The following WWOX variants were observed in gnomAD, a reference collection of about 807,000 sequenced individuals.
WWOX encodes the protein WW domain containing oxidoreductase.
WWOX carries 69 observed loss-of-function variants against 46.2 expected under a neutral mutation model. The ratio of observed to expected loss-of-function variants is 1.49; its 90% confidence interval spans 1.23 to 1.82. The LOEUF is 1.82. Among genes scored for constraint, WWOX ranks in the 40% most tolerant of loss-of-function variants. The pLI, the probability that WWOX is intolerant of heterozygous loss-of-function variation, is 0.00. For missense variants in WWOX, 919 were observed against 542.6 expected, an observed-to-expected ratio of 1.69 and a Z score of -6.89; for synonymous variants, 359 against 202.6, an observed-to-expected ratio of 1.77 and a Z score of -6.56.
chr16:79,000,273 C>T (rs951612938), intron 8 of WWOX, among the ~76,000 whole-genome samples: 3 of 152,340 alleles, frequency 2.0e-5, no homozygotes, highest in South Asian at 2.1e-4. Flanking sequence ...TAGATCCCAT[C>T]TCTGGTAGAC....
chr16:79,031,105 A>AAG (rs1266133401), intron 8 of WWOX, among the ~76,000 whole-genome samples: 3 of 151,600 alleles, frequency 2.0e-5, no homozygotes, highest in Non-Finnish European at 2.9e-5. Context: ...AAAAAAAAAA[A>AAG]AAAATCCAGT....
intron 8 of WWOX, among the ~76,000 whole-genome samples, chr16:78,548,172 A>C (rs1393120343): frequency 2.6e-5 from 2 of 76,150 alleles, no homozygotes; most frequent in South Asian, 3.8e-4. Flanking sequence ...AAAAAAAAAA[A>C]AAAAAATTAC....
At chr16:79,197,252 C>G (rs1034759680) in intron 8 of WWOX, among the ~76,000 whole-genome samples, 3 of 152,180 alleles carry the variant, frequency 2.0e-5, no homozygotes, top group Admixed American at 1.3e-4. Context: ...AGGTCCTGAT[C>G]TGTTTTATCA....
At chr16:79,156,739 G>A (rs2050389480) in intron 8 of WWOX, among the ~76,000 whole-genome samples, 1 of 151,858 alleles carries the variant, frequency 6.6e-6, no homozygotes, top group Non-Finnish European at 1.5e-5. Context: ...GGGGGCCTGT[G>A]TTCAAAGTCT....
At chr16:79,120,534 C>T (rs945063910) in intron 8 of WWOX, among the ~76,000 whole-genome samples, 5 of 152,222 alleles carry the variant, frequency 3.3e-5, no homozygotes, top group East Asian at 1.9e-4. Context: ...GCTGTAATAA[C>T]GGCAAACTGA....
intron 5 of WWOX, among the ~76,000 whole-genome samples, chr16:78,272,287 A>G (rs1244540738): frequency 2.6e-5 from 4 of 152,044 alleles, no homozygotes; most frequent in African/African-American, 9.7e-5. Flanking sequence ...TTTCACGAGG[A>G]TGACTGGGAT....
At chr16:78,935,559 G>A (rs900060144) in intron 8 of WWOX, among the ~76,000 whole-genome samples, 1 of 149,412 alleles carries the variant, frequency 6.7e-6, no homozygotes, top group Admixed American at 6.7e-5. Flanking sequence ...TGAACAATGA[G>A]AACACTTGGA....
chr16:78,994,827 G>A (rs949338502), intron 8 of WWOX, among the ~76,000 whole-genome samples: 4 of 152,132 alleles, frequency 2.6e-5, no homozygotes, highest in Admixed American at 6.5e-5. Context: ...ACCATTTGCC[G>A]TTGCACTAGG....
At chr16:78,539,900 C>T (rs527910270) in intron 8 of WWOX, among the ~76,000 whole-genome samples, 53 of 152,196 alleles carry the variant, frequency 3.5e-4, no homozygotes, top group African/African-American at 1.2e-3. Flanking sequence ...GGATCAGATC[C>T]AGTACATATT....
chr16:78,148,830 G>A (rs936658286), intron 4 of WWOX, among the ~76,000 whole-genome samples: 5 of 148,176 alleles, frequency 3.4e-5, no homozygotes, highest in South Asian at 2.1e-4. Flanking sequence ...CCTGGGAGGC[G>A]GAGCTTGCAG....
chr16:78,846,711 A>G (rs2052307974), intron 8 of WWOX, among the ~76,000 whole-genome samples: 1 of 152,160 alleles, frequency 6.6e-6, no homozygotes, highest in African/African-American at 2.4e-5. Context: ...TTTGTAATTA[A>G]TAAATATATT....
intron 8 of WWOX, among the ~76,000 whole-genome samples, chr16:78,906,692 G>T (rs1297648187): frequency 2.6e-5 from 4 of 152,202 alleles, no homozygotes. Flanking sequence ...GTGTGGGAAG[G>T]ACCTTATCCT....
intron 5 of WWOX, among the ~76,000 whole-genome samples, chr16:78,288,920 C>A (rs559046597): frequency 6.6e-6 from 1 of 152,094 alleles, no homozygotes; most frequent in African/African-American, 2.4e-5. Context: ...AGAAGAACAA[C>A]AACAAAAAAT....
chr16:78,522,046 G>A (rs963815089), intron 8 of WWOX, among the ~76,000 whole-genome samples: 1 of 151,938 alleles, frequency 6.6e-6, no homozygotes, highest in Non-Finnish European at 1.5e-5. Context: ...GTAGTAAGTG[G>A]GAGAGCTGTT....
At chr16:79,037,946 C>G (rs1393992930) in intron 8 of WWOX, among the ~76,000 whole-genome samples, 1 of 152,058 alleles carries the variant, frequency 6.6e-6, no homozygotes, top group East Asian at 1.9e-4. Context: ...ACTCGCATTT[C>G]TTTTCTGGTT....
chr16:78,731,611 A>G (rs775782996), intron 8 of WWOX, among the ~76,000 whole-genome samples: 15 of 152,040 alleles, frequency 9.9e-5, no homozygotes, highest in South Asian at 2.1e-4. Context: ...CAGTACCTTG[A>G]AATTCAGAAT....
chr16:78,482,868 A>G, intron 8 of WWOX, among the ~76,000 whole-genome samples: 1 of 152,212 alleles, frequency 6.6e-6, no homozygotes, highest in East Asian at 1.9e-4. Flanking sequence ...AGGGCCAGGC[A>G]CATAAAATAC....
intron 8 of WWOX, among the ~76,000 whole-genome samples, chr16:78,628,130 G>C (rs188001048): frequency 6.6e-6 from 1 of 152,180 alleles, no homozygotes; most frequent in Non-Finnish European, 1.5e-5. Flanking sequence ...TCACACCGAG[G>C]ATCTGCTTCC....
At chr16:79,028,887 C>A (rs1008369490) in intron 8 of WWOX, among the ~76,000 whole-genome samples, 1 of 126,422 alleles carries the variant, frequency 7.9e-6, no homozygotes, top group Non-Finnish European at 1.7e-5. Flanking sequence ...TCACAGTTTC[C>A]TGAACCACTA....
Sources: allele counts gnomAD v4.1 joint callset (sites outside exome capture counted in the v4.1 genomes callset), GRCh38; gene constraint gnomAD v4.1.1; transcripts MANE v1.5; gene names NCBI Gene and HGNC (gene_info 2026-07-23, HGNC 2026-07-21).